Variants in MED13 observed in about 807,000 individuals in gnomAD.
MED13 encodes mediator complex subunit 13, also known as mediator of RNA polymerase II transcription subunit 13.
In MED13, 23 loss-of-function variants were observed where a neutral mutation model predicts 225.2. The ratio of observed to expected loss-of-function variants is 0.10; its 90% CI spans 0.07 to 0.14. MED13 has a LOEUF of 0.14. Ranked by LOEUF, MED13 falls within the 10% of genes least tolerant of loss-of-function variation. The pLI, the probability that MED13 is intolerant of heterozygous loss-of-function variation, is 1.00. For missense variants in MED13, 2,197 were observed against 2,594.5 expected (o/e 0.85, Z 3.33); for synonymous variants, 942 against 889.2 (o/e 1.06, Z -1.06).
At position 61,982,965 on chromosome 17, in the gene MED13, C is replaced by T; in HGVS notation, c.3038G>A (p.Arg1013Lys). Residue 1013 changes from arginine (R) to lysine (K), a missense_variant, in exon 16 of 30, where the codon AGG (arginine) becomes AAG (lysine). Arg to Lys is a conservative substitution (Grantham distance 26). Coordinates refer to ENST00000397786, the MANE Select transcript of MED13 (RefSeq NM_005121.3). ...AGGAGTCCGAGGAGTCCTTGGAGTC[C>T]TTGGAGTTGGAAACCGAGGGGTGGA... ...SPSTPRFPTP[R>K]TPRTPRTPRG... 1 of 1,613,838 alleles carries T rather than the reference C, an allele frequency of 6.2e-7. No individual in the cohort carries two copies. Among genetic ancestry groups the T allele is most frequent in the Non-Finnish European group, 8.5e-7 (1 of 1,179,860 alleles).
At chr17:61,946,850 T>C in intron 29 of MED13, 67 bp downstream of exon 29, 1 of 1,425,342 alleles carries the variant, frequency 7.0e-7, no homozygotes, top group Non-Finnish European at 9.8e-7. Context: ...GAGAAAAATA[T>C]ATAAGAATCA....
In MED13 at chr17:61,950,972, T is replaced by G. The variant is rs1236606087; in HGVS notation, c.6144A>C (p.Ser2048=). ...TAGGTACTTCCTCATGAGGTTCTGT[T>G]GATAGTAGCCGATCAGTACTCTGAC... ...GKGQSTDRLL[S]TEPHEEVPNI... Residue 2048 remains serine, a synonymous_variant, in exon 28 of 30, where the codon TCA becomes TCC. Transcript: ENST00000397786. The G allele has an allele frequency of 6.2e-7, 1 of 1,613,564 alleles. No homozygotes were observed. Among genetic ancestry groups the G allele is most frequent in the East Asian group, 2.2e-5 (1 of 44,876 alleles).
chr17:61,964,556 C>G (rs1173738100), intron 20 of MED13, among the ~76,000 whole-genome samples: 2 of 152,044 alleles, frequency 1.3e-5, no homozygotes, highest in African/African-American at 4.8e-5. Context: ...CAGAGTGAGA[C>G]CTTGTCTTAA....
chr17:62,062,682 C>T (rs1231992540), intron 2 of MED13, among the ~76,000 whole-genome samples: 2 of 152,004 alleles, frequency 1.3e-5, no homozygotes, highest in Non-Finnish European at 2.9e-5. Flanking sequence ...ATGCAAAAGA[C>T]TCAACTTCAG....
chr17:62,058,616 G>C (rs778638554), intron 2 of MED13, among the ~76,000 whole-genome samples: 1 of 149,480 alleles, frequency 6.7e-6, no homozygotes, highest in African/African-American at 2.5e-5. Flanking sequence ...AAAACATATC[G>C]ACCCCGATTC....
At chr17:62,013,175 C>G (rs1296333963) in intron 8 of MED13, among the ~76,000 whole-genome samples, 1 of 151,888 alleles carries the variant, frequency 6.6e-6, no homozygotes, top group African/African-American at 2.4e-5. Context: ...AAACCAAACT[C>G]GTTTCAAAAG....
chr17:61,984,705 C>T lies in MED13; in HGVS notation c.2637G>A (p.Gln879=). The T allele has an allele frequency of 6.2e-7, 1 of 1,613,904 alleles. No individual in the cohort carries two copies. Among genetic ancestry groups the T allele is most frequent in the Non-Finnish European group, 8.5e-7 (1 of 1,179,896 alleles). Residue 879 remains glutamine (Q), a synonymous_variant, in exon 14 of 30, where the codon CAG becomes CAA. Coordinates refer to ENST00000397786, the MANE Select transcript of MED13 (RefSeq NM_005121.3). ...LEGNSSSIGA[Q]FKIEVDEGFC... ...ATCCCTCATCAACCTCAATTTTGAA[C>T]TGCGCTCCTATACTAGAACTATTTC...
At chr17:61,957,882 T>C (rs998007855) in intron 23 of MED13, among the ~76,000 whole-genome samples, 1 of 152,222 alleles carries the variant, frequency 6.6e-6, no homozygotes, top group Admixed American at 6.5e-5. Context: ...TTTTTTCTTT[T>C]GAGACGGAGT....
intron 9 of MED13, among the ~76,000 whole-genome samples, chr17:61,996,283 CA>C: frequency 6.6e-6 from 1 of 152,282 alleles, no homozygotes; most frequent in East Asian, 1.9e-4. Flanking sequence ...TTCTGGTTTG[CA>C]TAAGACATGT....
In MED13 at chr17:62,010,586, C is replaced by G; in HGVS notation, c.1931G>C (p.Gly644Ala). 1 of 1,475,682 alleles carries G rather than the reference C, an allele frequency of 6.8e-7. No individual in the cohort carries two copies. Among genetic ancestry groups the G allele is most frequent in the Non-Finnish European group, 9.0e-7 (1 of 1,111,316 alleles). The allele number at this position is 1,475,682 out of a possible 1,614,324, so 91.4% of individuals were successfully genotyped here. ...TGTTACACTTTCCTGTCCAAAAGGT[C>G]CAACTGGATCATCCTTGAATTTATC... Reference protein sequence around the residue: ...PSDKFKDDPVGPFGQESVTSV... With the variant: ...PSDKFKDDPVAPFGQESVTSV... Residue 644 changes from glycine (G) to alanine (A), a missense_variant, in exon 9 of 30, where the codon GGA (glycine) becomes GCA (alanine). Physicochemically the swap from Gly to Ala is moderately conservative, Grantham distance 60 (BLOSUM62 0). This residue lies in a region of MED13 where 884 missense variants were observed against 918.5 expected (regional missense o/e 0.96). Transcript: ENST00000397786.
chr17:62,027,727 A>T (rs1277182260), intron 8 of MED13, among the ~76,000 whole-genome samples: 1 of 152,156 alleles, frequency 6.6e-6, no homozygotes, highest in Non-Finnish European at 1.5e-5. Context: ...AAATTTATAT[A>T]TAAAAAAAAT....
At chr17:62,042,293 G>T (rs905963076) in intron 3 of MED13, among the ~76,000 whole-genome samples, 3 of 152,088 alleles carry the variant, frequency 2.0e-5, no homozygotes, top group Non-Finnish European at 4.4e-5. Flanking sequence ...GCCAGGCACG[G>T]GGGCTGATGC....
intron 4 of MED13, among the ~76,000 whole-genome samples, chr17:62,034,757 T>C (rs1452668127): frequency 1.3e-5 from 2 of 152,196 alleles, no homozygotes; most frequent in African/African-American, 4.8e-5. Flanking sequence ...TATAAAATAT[T>C]TCTTCTAGAA....
intron 2 of MED13, among the ~76,000 whole-genome samples, chr17:62,053,140 G>A (rs1353670687): frequency 2.0e-5 from 3 of 152,124 alleles, no homozygotes; most frequent in Non-Finnish European, 2.9e-5. Context: ...AATAATTAAA[G>A]TCAAAACATT....
Position 62,052,683 on chromosome 17 carries a change from C to A in MED13, c.324G>T (p.Glu108Asp). 6.4e-7 allele frequency: 1 copy of A among 1,574,390 alleles called. No homozygotes were observed. Among genetic ancestry groups the A allele is most frequent in the African/African-American group, 1.4e-5 (1 of 74,004 alleles). ...TACGGCATTCATAGGAAAGTCCATT[C>A]TCCCACACTCCATCTTCTTCTTCTA... The part of the protein sequence containing the change: ...DLSEEEDGVW[E>D]NGLSYECRTL... The change falls in exon 3 of 30, where the codon GAG (glutamate) becomes GAT (aspartate). Residue 108 changes from glutamate to aspartate, a missense_variant. Around this residue, in one of 12 missense-constraint regions of MED13, gnomAD observed 884 missense variants for 918.5 expected, o/e 0.96. Transcript: ENST00000397786.
chr17:61,992,583 A>G lies in MED13; in HGVS notation c.2220T>C (p.His740=). 1 of 1,612,276 alleles carries G rather than the reference A, an allele frequency of 6.2e-7. No homozygotes were observed. The highest frequency in any genetic ancestry group is 1.1e-5 in the South Asian group (1 of 90,990). ...TAAATAATGACATAGCATCTTCTTCATGTGATAACACTGTTACACTAGATG... is the reference window on the plus strand; with the variant it reads ...TAAATAATGACATAGCATCTTCTTCGTGTGATAACACTGTTACACTAGATG... ...DGTSSVTVLS[H]EEDAMSLFSP... Residue 740 remains histidine, a synonymous_variant, in exon 11 of 30, where the codon CAT becomes CAC. Coordinates refer to ENST00000397786, the MANE Select transcript of MED13 (RefSeq NM_005121.3).
chr17:61,969,918 T>C lies in MED13; in HGVS notation c.3968-1660A>G, dbSNP rs555190626. On this transcript the variant is annotated intron_variant, in intron 17 of 29. Transcript: ENST00000397786. ...TGCCTGGTGAGTGTTCTTACCATAA[T>C]AAAAAAATTTTTAAAAGAAAATGAC... 2.0e-5 allele frequency among the ~76,000 whole-genome samples: 3 copies of C among 151,924 alleles called. No individual in the cohort carries two copies. The South Asian group carries it at 6.2e-4, about 32-fold the overall frequency.
rs751466318 is a variant in MED13, at chr17:61,983,049, C to A, written c.2954G>T (p.Gly985Val). 7 of 1,613,448 alleles carry A rather than the reference C, an allele frequency of 4.3e-6. No individual in the cohort carries two copies. Among genetic ancestry groups the A allele is most frequent in the Admixed American group, 1.7e-5 (1 of 59,948 alleles). ...AYTPQTHTSF[G>V]MPPSSAPPSN... is the part of the protein sequence containing the mutation. ...AGGAGGTGCACTGCTAGGAGGCATCCCAAAAGAAGTATGAGTTTGAGGTGT... is the reference window on the plus strand; with the variant it reads ...AGGAGGTGCACTGCTAGGAGGCATCACAAAAGAAGTATGAGTTTGAGGTGT... Residue 985 changes from glycine to valine, a missense_variant, in exon 16 of 30, where the codon GGG becomes GTG. Physicochemically the swap from Gly to Val is moderately radical, Grantham distance 109. Coordinates refer to ENST00000397786, the MANE Select transcript of MED13 (RefSeq NM_005121.3).
At chr17:62,029,436 C>A in intron 8 of MED13, 105 bp downstream of exon 8, 2 of 755,722 alleles carry the variant, frequency 2.6e-6, no homozygotes, top group Admixed American at 3.2e-5. Flanking sequence ...GAAAAAAAAT[C>A]CTGACATATG....
Sources: allele counts gnomAD v4.1 joint callset (sites outside exome capture counted in the v4.1 genomes callset), GRCh38; gene constraint gnomAD v4.1.1; regional missense constraint gnomAD v4.1.1; transcripts MANE v1.5; gene names NCBI Gene and HGNC (gene_info 2026-07-23, HGNC 2026-07-21).